STARD10: variants seen among roughly 807,000 people sequenced by gnomAD.
The protein encoded by STARD10 is START domain-containing protein 10.
STARD10 carries 24 observed loss-of-function variants against 36.0 expected under a neutral mutation model. The observed-to-expected ratio is 0.67, with a 90% CI of 0.48 to 0.94. The LOEUF (loss-of-function observed/expected upper bound fraction) is 0.94. Ranked by LOEUF, STARD10 falls within the 40% of genes least tolerant of loss-of-function variation. The pLI is 0.00. For missense variants in STARD10, 335 were observed against 396.6 expected (o/e 0.84, Z 1.32); for synonymous variants, 156 against 161.9 (o/e 0.96, Z 0.28).
At chr11:72,771,608 G>A (rs756377233) in intron 2 of STARD10, among the ~76,000 whole-genome samples, 1 of 152,050 alleles carries the variant, frequency 6.6e-6, no homozygotes, top group Non-Finnish European at 1.5e-5. Context: ...CTTCTCCGCC[G>A]CTCTCCATGC....
rs1438656015 is a variant in STARD10 at position 72,770,077 on chromosome 11, T to C, written c.208-10696A>G. Reference sequence around the variant, plus strand: ...TAAACTATGAACAAACTCTACACCTTTGAATGAGAGCTGGAAGGAACCAAG... The same window carrying C: ...TAAACTATGAACAAACTCTACACCTCTGAATGAGAGCTGGAAGGAACCAAG... On this transcript the variant is annotated intron_variant, in intron 2 of 6. Coordinates refer to ENST00000334805, the MANE Select transcript of STARD10 (RefSeq NM_006645.3). 4.6e-5 allele frequency among the ~76,000 whole-genome samples: 7 copies of C among 152,190 alleles called. No homozygotes were observed. The East Asian group carries it at 1.3e-3, about 29-fold the overall frequency.
At chr11:72,772,591 G>A (rs986141326) in intron 2 of STARD10, among the ~76,000 whole-genome samples, 2 of 152,130 alleles carry the variant, frequency 1.3e-5, no homozygotes, top group Middle Eastern at 3.2e-3. Context: ...TGTGGCCAGG[G>A]AGCTTTTTAA....
At chr11:72,772,347 G>A (rs893483773) in intron 2 of STARD10, among the ~76,000 whole-genome samples, 6 of 148,534 alleles carry the variant, frequency 4.0e-5, no homozygotes, top group Non-Finnish European at 6.0e-5. Context: ...CAGTGGGCAC[G>A]GTTCTCCCTG....
chr11:72,777,407 C>T (rs946982019), intron 2 of STARD10, among the ~76,000 whole-genome samples: 3 of 152,262 alleles, frequency 2.0e-5, no homozygotes, highest in Non-Finnish European at 2.9e-5. Context: ...TCACATGCAA[C>T]AGCCAGGACT....
chr11:72,754,795 C>G lies in STARD10; in HGVS notation c.*102G>C, dbSNP rs1216292785. ...CTGCAGCACCCGCCTGGGCCTGGCC[C>G]GGTGCCACCAGGTGCCGGGTGGGGG... On this transcript the variant is annotated 3_prime_UTR_variant, in exon 7 of 7. Transcript: ENST00000334805. The G allele has an allele frequency of 6.7e-7, 1 of 1,502,922 alleles. No homozygotes were observed. The highest frequency in any genetic ancestry group is 1.4e-5 in the African/African-American group (1 of 71,910). 93.1% of individuals were successfully genotyped at this position (1,502,922 alleles called of 1,614,324 possible). A position where few individuals can be genotyped will look rare whatever the true frequency, so the allele number is the denominator to read the frequency against.
At chr11:72,755,853 G>A in intron 5 of STARD10, 100 bp from the exon 6 acceptor site, 2 of 1,114,948 alleles carry the variant, frequency 1.8e-6, no homozygotes, top group Middle Eastern at 2.2e-4. Context: ...GGAGGCCACT[G>A]TCTTCCCCAT....
rs747024547 is a variant in STARD10, at chr11:72,781,117, A to C, written c.65T>G (p.Val22Gly). The change falls in exon 2 of 7, where the codon GTC becomes GGC. Residue 22 changes from valine (V) to glycine (G), a missense_variant. Coordinates refer to ENST00000334805, the MANE Select transcript of STARD10 (RefSeq NM_006645.3). The surrounding 1 kb of genome is among the most constrained non-coding windows in gnomAD (Gnocchi z 4.7). ...AAAGTCTTGGTCATCGGGCACCTGGACACTCTCACGGCCCAGGACCGGCCG... is the reference window on the plus strand; with the variant it reads ...AAAGTCTTGGTCATCGGGCACCTGGCCACTCTCACGGCCCAGGACCGGCCG... ...GPRPVLGRES[V>G]QVPDDQDFRS... The C allele has an allele frequency of 3.1e-6, 5 of 1,613,744 alleles. No homozygotes were observed. Among genetic ancestry groups the C allele is most frequent in the Non-Finnish European group, 4.2e-6 (5 of 1,180,000 alleles).
rs566525675 is a variant in STARD10, at chr11:72,769,260, ATACTCACTGCTTATGAGG to A, written c.208-9897_208-9880del. On this transcript the variant is annotated intron_variant, in intron 2 of 6. Transcript: ENST00000334805. ...CAGTAAATTACCAAAAATATATAAA[ATACTCACTGCTTATGAGG>A]TACTCACTGCTTATGAGGTACTCAC... Among the ~76,000 whole-genome samples the A allele has an allele frequency of 3.8e-3, 586 of 152,292 alleles. 4 individuals carry two copies. Among genetic ancestry groups the A allele is most frequent in the African/African-American group, 0.013 (550 of 41,552 alleles).
At position 72,770,886 on chromosome 11, in the gene STARD10, A is replaced by G. The variant is rs563945176; in HGVS notation, c.207+10089T>C. 1.6e-4 allele frequency among the ~76,000 whole-genome samples: 24 copies of G among 152,334 alleles called. No individual in the cohort carries two copies. The Middle Eastern group carries it at 0.01, about 65-fold the overall frequency. ...CTGGTTGGGGGAAGGAGAAGGATCA[A>G]TGCAGTGCCACAAGGTAACCCAGGT... On this transcript the variant is annotated intron_variant, in intron 2 of 6. Coordinates refer to ENST00000334805, the MANE Select transcript of STARD10 (RefSeq NM_006645.3).
chr11:72,787,581 C>T (rs977418134), intron 1 of STARD10, among the ~76,000 whole-genome samples: 1 of 152,254 alleles, frequency 6.6e-6, no homozygotes, highest in Non-Finnish European at 1.5e-5. Flanking sequence ...TGGGTCCTCC[C>T]GCTGTCGATG....
intron 2 of STARD10, among the ~76,000 whole-genome samples, chr11:72,778,457 T>A (rs1858953717): frequency 6.6e-6 from 1 of 152,150 alleles, no homozygotes; most frequent in African/African-American, 2.4e-5. Flanking sequence ...ATCTTGGGGA[T>A]GGGAAGCTCA....
intron 1 of STARD10, among the ~76,000 whole-genome samples, chr11:72,792,198 C>T (rs1162643080): frequency 4.6e-5 from 7 of 151,764 alleles, no homozygotes; most frequent in Non-Finnish European, 7.4e-5. Context: ...TACAGGTGCC[C>T]GCCACAACGC....
At position 72,758,900 on chromosome 11, in the gene STARD10, G is replaced by A. The variant is rs529688007; in HGVS notation, c.356-267C>T. On this transcript the variant is annotated intron_variant, in intron 3 of 6. Transcript: ENST00000334805. ...GCCTGGCTGGTTTGTCTACGTGAAC[G>A]TGAGTGTACAAGAGAAAAACAGTAT... Among the ~76,000 whole-genome samples the A allele has an allele frequency of 5.3e-5, 8 of 152,342 alleles. 1 individual carries two copies. The highest frequency in any genetic ancestry group is 3.9e-4 in the East Asian group (2 of 5,190).
At chr11:72,772,218 T>C (rs566337673) in intron 2 of STARD10, among the ~76,000 whole-genome samples, 1 of 135,458 alleles carries the variant, frequency 7.4e-6, no homozygotes, top group East Asian at 2.1e-4. Flanking sequence ...AGCGCTGCCA[T>C]AGCCATAGTG....
chr11:72,770,853 G>A (rs1478230944), intron 2 of STARD10, among the ~76,000 whole-genome samples: 3 of 152,116 alleles, frequency 2.0e-5, no homozygotes, highest in Non-Finnish European at 2.9e-5. Context: ...AACTAGAAAC[G>A]GCATGGACTG....
chr11:72,789,066 C>T lies in STARD10; in HGVS notation c.-114+3809G>A, dbSNP rs1176339098. Among the ~76,000 whole-genome samples the T allele has an allele frequency of 7.2e-5, 8 of 110,754 alleles. No individual in the cohort carries two copies. The South Asian group carries it at 9.1e-4, about 13-fold the overall frequency. The allele number at this position is 110,754 out of a possible 152,430, so 72.7% of individuals were successfully genotyped here. A position where few individuals can be genotyped will look rare whatever the true frequency, so the allele number is the denominator to read the frequency against. On this transcript the variant is annotated intron_variant, in intron 1 of 6. Coordinates refer to ENST00000334805, the MANE Select transcript of STARD10 (RefSeq NM_006645.3). ...AGATGGGGTCTCCCCAGGCTGGTCT[C>T]GAACTTCTGGCCTCAAGCAATCCTC...
rs1379344816 is a variant in STARD10, at chr11:72,792,883, C to CA, written c.-123dup. ...TTACTTGGGCCACTGACCTGAGAAG[C>CA]AGGGTCTGTACAGCTCCAGCAACAC... On this transcript the variant is annotated 5_prime_UTR_variant, in exon 1 of 7. It removes the in-frame stop codon of an upstream open reading frame in the 5' UTR. Coordinates refer to ENST00000334805, the MANE Select transcript of STARD10 (RefSeq NM_006645.3). The CA allele has an allele frequency of 6.5e-6, 1 of 152,954 alleles. No individual in the cohort carries two copies. The highest frequency in any genetic ancestry group is 1.5e-5 in the Non-Finnish European group (1 of 68,640). 9.5% of individuals were successfully genotyped at this position (152,954 alleles called of 1,614,324 possible).
chr11:72,771,617 G>C (rs911785533), intron 2 of STARD10, among the ~76,000 whole-genome samples: 100 of 152,218 alleles, frequency 6.6e-4, no homozygotes, highest in African/African-American at 2.2e-3. Flanking sequence ...CGCTCTCCAT[G>C]CAGGGCTGAG....
At chr11:72,772,284 C>T (rs570416986) in intron 2 of STARD10, among the ~76,000 whole-genome samples, 130 of 150,238 alleles carry the variant, frequency 8.7e-4, no homozygotes, top group African/African-American at 3.1e-3. Flanking sequence ...TCCCTGTGCC[C>T]GGTGCTGCCA....
Sources: gnomAD v4.1 joint callset for allele counts (sites outside exome capture counted in the v4.1 genomes callset) on GRCh38, gnomAD v4.1.1 for gene constraint, Gnocchi (gnomAD v3.1) non-coding constraint, MANE v1.5 for transcripts, NCBI Gene and HGNC (gene_info 2026-07-23, HGNC 2026-07-21) for gene names.